The following IQGAP2 variants were observed in gnomAD, a reference collection of about 807,000 sequenced individuals.
IQGAP2 encodes the protein IQ motif containing GTPase activating protein 2, also known as ras GTPase-activating-like protein IQGAP2.
Under a neutral mutation model 201.3 loss-of-function variants are expected in IQGAP2, and 173 were observed. The observed-to-expected ratio is 0.86, with a 90% CI of 0.76 to 0.98. The LOEUF is 0.98. IQGAP2 is among the 50% of genes least tolerant of loss of function. The pLI is 0.00. For synonymous variants in IQGAP2, 675 were observed against 673.9 expected, an observed-to-expected ratio of 1.00 and a Z score of -0.03; for missense variants, 1,687 against 1,864.8, an observed-to-expected ratio of 0.90 and a Z score of 1.76.
At chr5:76,484,496 A>T (rs1042202100) in intron 2 of IQGAP2, among the ~76,000 whole-genome samples, 1 of 152,134 alleles carries the variant, frequency 6.6e-6, no homozygotes, top group Non-Finnish European at 1.5e-5. Context: ...TGTTGGGCAG[A>T]GGGTTCTTTT....
chr5:76,504,679 ACCTATAAGCCTT>A (rs1388114719), intron 2 of IQGAP2, among the ~76,000 whole-genome samples: 13 of 151,918 alleles, frequency 8.6e-5, no homozygotes, highest in African/African-American at 1.2e-4. Flanking sequence ...CCTCCCTCCT[ACCTATAAGCCTT>A]CCCCCGACAA....
At chr5:76,577,812 A>G (rs971497212) in intron 5 of IQGAP2, among the ~76,000 whole-genome samples, 5 of 152,206 alleles carry the variant, frequency 3.3e-5, no homozygotes, top group African/African-American at 1.2e-4. Flanking sequence ...ATGAACTAAC[A>G]TGTCTTCAGC....
chr5:76,658,070 A>G (rs1024668236), intron 20 of IQGAP2, among the ~76,000 whole-genome samples: 4 of 152,114 alleles, frequency 2.6e-5, no homozygotes, highest in Admixed American at 6.5e-5. Flanking sequence ...AATGTAAGTC[A>G]CTTATCTAGC....
chr5:76,651,901 A>G lies in IQGAP2; in HGVS notation c.2095-849A>G, dbSNP rs547660379. ...AAAATTTCATTTACCCTTTTTAAAA[A>G]GAATGAGGTAAATATATACAGACAT... On this transcript the variant is annotated intron_variant, in intron 17 of 35. Transcript: ENST00000274364. 5.3e-5 allele frequency among the ~76,000 whole-genome samples: 8 copies of G among 152,310 alleles called. No homozygotes were observed. In the South Asian group the frequency reaches 1.7e-3, roughly 32 times the overall value.
intron 1 of IQGAP2, among the ~76,000 whole-genome samples, chr5:76,425,489 T>C (rs1454346853): frequency 3.3e-5 from 5 of 152,184 alleles, no homozygotes; most frequent in Admixed American, 3.3e-4. Context: ...AAAGGCAAGA[T>C]ACACTGTAGG....
In IQGAP2 at chr5:76,674,739, G is replaced by A. The variant is rs373725746; in HGVS notation, c.3527+30G>A. On this transcript the variant is annotated intron_variant, in intron 27 of 35. Coordinates refer to ENST00000274364, the MANE Select transcript of IQGAP2 (RefSeq NM_006633.5). Reference sequence around the variant, plus strand: ...GAGGGGCCCTTAGTTTTGGAGAAACGTGCAAGAATGGTAGGCAAGAATAAT... The same window carrying A: ...GAGGGGCCCTTAGTTTTGGAGAAACATGCAAGAATGGTAGGCAAGAATAAT... 87 of 1,466,760 alleles carry A rather than the reference G, an allele frequency of 5.9e-5. 1 individual carries two copies. Among genetic ancestry groups the A allele is most frequent in the Non-Finnish European group, 6.6e-5 (69 of 1,046,612 alleles). 90.9% of individuals were successfully genotyped at this position (1,466,760 alleles called of 1,614,324 possible).
chr5:76,571,473 C>T (rs1015751237), intron 4 of IQGAP2, among the ~76,000 whole-genome samples: 4 of 152,176 alleles, frequency 2.6e-5, no homozygotes, highest in Non-Finnish European at 4.4e-5. Flanking sequence ...GGATGAGCTA[C>T]CATGCCCGGC....
At chr5:76,473,619 G>A (rs1238206451) in intron 2 of IQGAP2, among the ~76,000 whole-genome samples, 2 of 152,158 alleles carry the variant, frequency 1.3e-5, no homozygotes, top group East Asian at 3.9e-4. Flanking sequence ...GGAATTACAG[G>A]CATCAGCTAC....
intron 2 of IQGAP2, among the ~76,000 whole-genome samples, chr5:76,538,498 C>T (rs914835456): frequency 6.6e-6 from 1 of 152,164 alleles, no homozygotes; most frequent in Admixed American, 6.5e-5. Context: ...TGCCTCAAGC[C>T]GGATTACAAT....
intron 3 of IQGAP2, among the ~76,000 whole-genome samples, chr5:76,568,369 T>A (rs1480183964): frequency 6.6e-6 from 1 of 152,198 alleles, no homozygotes; most frequent in Non-Finnish European, 1.5e-5. Context: ...TAGCTAATAT[T>A]TACTGCATTC....
At position 76,683,839 on chromosome 5, in the gene IQGAP2, CCGAGATTT is replaced by C; in HGVS notation, c.3829_3836del (p.Glu1277SerfsTer8). The C allele has an allele frequency of 6.2e-7, 1 of 1,613,634 alleles. No individual in the cohort carries two copies. The highest frequency in any genetic ancestry group is 8.5e-7 in the Non-Finnish European group (1 of 1,179,756). On this transcript the variant is annotated frameshift_variant, in exon 30 of 36. Transcript: ENST00000274364. LOFTEE classifies it high-confidence loss of function. ...AATACACTAAGTCAGCTTTCAAAGA[CCGAGATTT>C]CTCTTGTCTTGACAAGCAAATATGA...
intron 1 of IQGAP2, among the ~76,000 whole-genome samples, chr5:76,441,766 T>A (rs1753054295): frequency 6.6e-6 from 1 of 152,178 alleles, no homozygotes; most frequent in South Asian, 2.1e-4. Flanking sequence ...TAAAGAAATT[T>A]TGCCTTCCTT....
At chr5:76,575,917 T>TA in intron 5 of IQGAP2, 148 bp downstream of exon 5, 1 of 452,748 alleles carries the variant, frequency 2.2e-6, no homozygotes. Flanking sequence ...GGTACAAAAT[T>TA]AAAATAATGG....
intron 2 of IQGAP2, among the ~76,000 whole-genome samples, chr5:76,555,910 A>G (rs1484947552): frequency 6.6e-6 from 1 of 152,040 alleles, no homozygotes; most frequent in Non-Finnish European, 1.5e-5. Context: ...TGTGGTTACA[A>G]CCCAGTCACT....
In IQGAP2 at chr5:76,403,824, C is replaced by T. The variant is rs2150064395; in HGVS notation, c.46+233C>T. Among the ~76,000 whole-genome samples, 1 of 152,214 alleles carries T rather than the reference C, an allele frequency of 6.6e-6. No homozygotes were observed. Among genetic ancestry groups the T allele is most frequent in the Admixed American group, 6.5e-5 (1 of 15,310 alleles). On this transcript the variant is annotated intron_variant, in intron 1 of 35. Transcript: ENST00000274364. This position sits in a 1 kb window ranked among gnomAD's most constrained non-coding sequence, Gnocchi z 4.8. ...AGCTGGCAACCCAGACCCTCCACTC[C>T]GCATACCCAAACGGGGTGCGCGGGC...
At chr5:76,707,122 C>T in intron 35 of IQGAP2, 78 bp from the exon 36 acceptor site, 1 of 765,566 alleles carries the variant, frequency 1.3e-6, no homozygotes, top group Admixed American at 2.1e-5. Context: ...TGACTTTTGT[C>T]AACAAATTCT....
At chr5:76,422,845 C>G (rs1751801122) in intron 1 of IQGAP2, among the ~76,000 whole-genome samples, 1 of 152,222 alleles carries the variant, frequency 6.6e-6, no homozygotes, top group African/African-American at 2.4e-5. Context: ...ATGCCAGGTG[C>G]TGTTTTAAGC....
At chr5:76,558,248 T>C (rs1219364653) in intron 2 of IQGAP2, among the ~76,000 whole-genome samples, 1 of 152,200 alleles carries the variant, frequency 6.6e-6, no homozygotes, top group East Asian at 1.9e-4. Context: ...CTCCCAATTG[T>C]CAACTTATCT....
At chr5:76,609,195 T>G (rs1394062499) in intron 12 of IQGAP2, 29 of 1,536,020 alleles carry the variant, frequency 1.9e-5, no homozygotes, top group Non-Finnish European at 2.3e-5. Context: ...CGGCCTTGGT[T>G]CTGTTAAGAC....
Sources: gnomAD v4.1 joint callset for allele counts (sites outside exome capture counted in the v4.1 genomes callset) on GRCh38, gnomAD v4.1.1 for gene constraint, Gnocchi (gnomAD v3.1) non-coding constraint, MANE v1.5 for transcripts, NCBI Gene and HGNC (gene_info 2026-07-23, HGNC 2026-07-21) for gene names.